ADGRG1: variants seen among roughly 807,000 people sequenced by gnomAD.
ADGRG1 encodes the protein adhesion G protein-coupled receptor G1, also known as 7-transmembrane protein with no EGF-like N-terminal domains-1.
In ADGRG1, 53 loss-of-function variants were observed where a neutral mutation model predicts 73.5. The observed-to-expected ratio is 0.72, with a 90% confidence interval of 0.58 to 0.91. The LOEUF (loss-of-function observed/expected upper bound fraction) is 0.91. ADGRG1 is among the 40% of genes least tolerant of loss of function. The probability of loss-of-function intolerance (pLI) is 0.00; values close to 1 mark genes in which losing one functional copy is unlikely to be tolerated. For synonymous variants in ADGRG1, 394 were observed against 374.4 expected, an observed-to-expected ratio of 1.05 and a Z score of -0.60; for missense variants, 795 against 871.8, an observed-to-expected ratio of 0.91 and a Z score of 1.11.
chr16:57,655,575 T>C, intron 6 of ADGRG1, 45 bp downstream of exon 6: 1 of 1,612,698 alleles, frequency 6.2e-7, no homozygotes, highest in East Asian at 2.2e-5. Context: ...AAGCAGTTTT[T>C]TTCTGACAGA....
rs545367342 is a variant in ADGRG1, at chr16:57,637,661, G to A, written c.-36+8859G>A. 1.7e-4 allele frequency: 168 copies of A among 985,418 alleles called. No homozygotes were observed. In the African/African-American group the frequency reaches 2.6e-3, roughly 15 times the overall value. 61.0% of individuals were successfully genotyped at this position (985,418 alleles called of 1,614,324 possible). On this transcript the variant is annotated intron_variant, in intron 1 of 13. Transcript: ENST00000562631. ...GGGGCCAAAAATAGGGCCTGAATGG[G>A]ACCCAGCTCTGGGCCTGCAGTGAGA...
At chr16:57,662,688 G>A (rs1277482418) in intron 13 of ADGRG1, among the ~76,000 whole-genome samples, 27 of 152,160 alleles carry the variant, frequency 1.8e-4, no homozygotes, top group East Asian at 9.7e-4. Context: ...GCCAGATGGC[G>A]GCGGGTCGGG....
Position 57,645,258 on chromosome 16 carries a change from C to A in ADGRG1, c.-35-4995C>A, listed in dbSNP as rs573100725. 6.1e-6 allele frequency: 6 copies of A among 985,462 alleles called. No homozygotes were observed. In the South Asian group the frequency reaches 2.3e-4, roughly 39 times the overall value. 61.0% of individuals were successfully genotyped at this position (985,462 alleles called of 1,614,324 possible). ...GCTGGGGGGGTCTTCCCCTCTGCCTCTCCCAGCGAGGGCCCATTTAAGGGG... is the reference window on the plus strand; with the variant it reads ...GCTGGGGGGGTCTTCCCCTCTGCCTATCCCAGCGAGGGCCCATTTAAGGGG... On this transcript the variant is annotated intron_variant, in intron 1 of 13. Coordinates refer to ENST00000562631, the MANE Select transcript of ADGRG1 (RefSeq NM_201525.4).
chr16:57,644,946 C>T, intron 1 of ADGRG1: 1 of 384,068 alleles, frequency 2.6e-6, no homozygotes, highest in Non-Finnish European at 3.6e-6. Flanking sequence ...TGCACGGGCA[C>T]CCACTGATCA....
intron 1 of ADGRG1, among the ~76,000 whole-genome samples, chr16:57,649,190 T>A (rs538264623): frequency 5.9e-4 from 90 of 152,244 alleles, no homozygotes; most frequent in Admixed American, 1.8e-3. Context: ...GGGTACTGGC[T>A]CCCCCTGGCG....
intron 1 of ADGRG1, chr16:57,644,252 GCA>G: frequency 4.5e-6 from 4 of 896,164 alleles, no homozygotes; most frequent in South Asian, 5.1e-5. Flanking sequence ...GCACACACAT[GCA>G]CAGTCATGCA....
chr16:57,661,998 G>C (rs750264384), intron 13 of ADGRG1, 33 bp downstream of exon 13: 10 of 1,560,622 alleles, frequency 6.4e-6, no homozygotes, highest in Non-Finnish European at 8.8e-6. Flanking sequence ...GGCCCAGGCA[G>C]GGTGTCTACA....
chr16:57,663,357 G>A, intron 13 of ADGRG1, 95 bp from the exon 14 acceptor site: 1 of 1,569,342 alleles, frequency 6.4e-7, no homozygotes, highest in Admixed American at 1.9e-5. Context: ...CTATGGAGAG[G>A]TGGGGCAGAC....
Position 57,661,955 on chromosome 16 carries a change from C to G in ADGRG1, c.1923C>G (p.Thr641=), listed in dbSNP as rs769463599. Residue 641 remains threonine (T), a synonymous_variant, in exon 13 of 14, where the codon ACC becomes ACG. Coordinates refer to ENST00000562631, the MANE Select transcript of ADGRG1 (RefSeq NM_201525.4). ...TCCTCTACCTTTTCAGCATCATCAC[C>G]TCCTTCCAAGGTAAGGAGAAGACCC... ...LVVLYLFSII[T]SFQGFLIFIW... 3 of 1,613,688 alleles carry G rather than the reference C, an allele frequency of 1.9e-6. No homozygotes were observed. Among genetic ancestry groups the G allele is most frequent in the Non-Finnish European group, 2.5e-6 (3 of 1,179,514 alleles).
chr16:57,654,043 G>A lies in ADGRG1; in HGVS notation c.678G>A (p.Val226=). Residue 226 remains valine, a synonymous_variant, in exon 5 of 14, where the codon GTG becomes GTA. Coordinates refer to ENST00000562631, the MANE Select transcript of ADGRG1 (RefSeq NM_201525.4). The part of the protein sequence containing the change: ...LTSVRFMGDM[V]SFEEDRINAT... ...CTGTGAGATTCATGGGGGACATGGT[G>A]TCCTTCGAGGAGGACCGGATCAACG... 1.2e-6 allele frequency: 2 copies of A among 1,614,104 alleles called. No homozygotes were observed. The highest frequency in any genetic ancestry group is 1.7e-6 in the Non-Finnish European group (2 of 1,180,028).
intron 1 of ADGRG1, chr16:57,634,329 G>A: frequency 1.0e-6 from 1 of 985,408 alleles, no homozygotes; most frequent in African/African-American, 1.7e-5. Flanking sequence ...GTGAGCCCAA[G>A]GGGCTGGCAG....
At chr16:57,620,452 G>T (rs79455006), upstream of ADGRG1, among the ~76,000 whole-genome samples, 1 of 152,188 alleles carries the variant, frequency 6.6e-6, no homozygotes, top group Non-Finnish European at 1.5e-5. Flanking sequence ...CAAGGGTGAC[G>T]CCGCGGAGCC....
intron 1 of ADGRG1, among the ~76,000 whole-genome samples, chr16:57,632,623 G>A (rs1239012395): frequency 2.0e-5 from 3 of 152,206 alleles, no homozygotes; most frequent in Non-Finnish European, 4.4e-5. Flanking sequence ...CACCAGTGGC[G>A]CTCACTCACC....
intron 2 of ADGRG1, 39 bp from the exon 3 acceptor site, chr16:57,651,161 C>A (rs751658362): frequency 8.1e-6 from 13 of 1,612,858 alleles, no homozygotes; most frequent in Middle Eastern, 1.7e-4. Flanking sequence ...CTGGTCAGCC[C>A]CTGCCACGGG....
chr16:57,648,878 A>G (rs1216571717), intron 1 of ADGRG1, among the ~76,000 whole-genome samples: 2 of 152,256 alleles, frequency 1.3e-5, no homozygotes, highest in Non-Finnish European at 2.9e-5. Flanking sequence ...AGTCCTGACC[A>G]GGCAGGGAAA....
At chr16:57,622,686 T>C in intron 2 of ADGRG1, 1 of 754,208 alleles carries the variant, frequency 1.3e-6, no homozygotes, top group Non-Finnish European at 1.6e-6. Flanking sequence ...CAGAATGACC[T>C]GTTCTGGATG....
In ADGRG1 at chr16:57,657,357, TGTCTCCTGGGGCCAG is replaced by T; in HGVS notation, c.1168-8_1174del. 6.2e-7 allele frequency: 1 copy of T among 1,613,860 alleles called. No individual in the cohort carries two copies. Among genetic ancestry groups the T allele is most frequent in the African/African-American group, 1.3e-5 (1 of 75,054 alleles). ...GGGGACACAGAGGCCAGCTCTCTCC[TGTCTCCTGGGGCCAG>T]GTCTCCTCGGTGGAGGTGGACGCCG... On this transcript the variant is annotated splice_acceptor_variant and splice_polypyrimidine_tract_variant and intron_variant, in intron 9 of 13. Transcript: ENST00000562631. LOFTEE classifies it high-confidence loss of function.
upstream of ADGRG1, chr16:57,628,439 G>C: frequency 2.8e-5 from 24 of 851,810 alleles, no homozygotes; most frequent in Non-Finnish European, 3.2e-5. Flanking sequence ...GCCCGGCGCT[G>C]AGTCATGGGC....
rs776189361 is a variant in ADGRG1, at chr16:57,661,677, C to A, written c.1665-20C>A. ...TGCCCGTGCTGGCCACACGCTGAGCCCTCCTGCCTTTGCCCGCAGGTGCTG... is the reference window on the plus strand; with the variant it reads ...TGCCCGTGCTGGCCACACGCTGAGCACTCCTGCCTTTGCCCGCAGGTGCTG... On this transcript the variant is annotated intron_variant, in intron 12 of 13. Coordinates refer to ENST00000562631, the MANE Select transcript of ADGRG1 (RefSeq NM_201525.4). 1.2e-6 allele frequency: 2 copies of A among 1,609,608 alleles called. No individual in the cohort carries two copies. The highest frequency in any genetic ancestry group is 1.7e-6 in the Non-Finnish European group (2 of 1,178,238).
Sources: gnomAD v4.1 joint callset for allele counts (sites outside exome capture counted in the v4.1 genomes callset) on GRCh38, gnomAD v4.1.1 for gene constraint, MANE v1.5 for transcripts, NCBI Gene and HGNC (gene_info 2026-07-23, HGNC 2026-07-21) for gene names.